Variants in PDC observed in about 807,000 individuals in gnomAD.
PDC encodes phosducin.
Under a neutral mutation model 22.2 loss-of-function variants are expected in PDC, and 19 were observed. The observed-to-expected ratio is 0.86, with a 90% confidence interval of 0.60 to 1.26. The LOEUF (loss-of-function observed/expected upper bound fraction) is 1.26, where lower values mean the gene tolerates loss of function less well. Ranked by LOEUF, PDC falls within the 50% of genes most tolerant of loss-of-function variation. The pLI is 0.00. For missense variants in PDC, 274 were observed against 286.8 expected (o/e 0.96, Z 0.32); for synonymous variants, 97 against 96.2 (o/e 1.01, Z -0.05).
At chr1:186,456,771 G>A (rs1467230214) in intron 1 of PDC, among the ~76,000 whole-genome samples, 1 of 152,184 alleles carries the variant, frequency 6.6e-6, no homozygotes, top group Non-Finnish European at 1.5e-5. Flanking sequence ...GACTGAACAT[G>A]ATTAAACATG....
chr1:186,457,983 C>A (rs2102139589), intron 1 of PDC, among the ~76,000 whole-genome samples: 1 of 152,172 alleles, frequency 6.6e-6, no homozygotes, highest in East Asian at 1.9e-4. Context: ...TCTGTTTCTA[C>A]CCTACTCAAA....
At chr1:186,456,588 G>A (rs1662477030) in intron 1 of PDC, among the ~76,000 whole-genome samples, 2 of 152,114 alleles carry the variant, frequency 1.3e-5, no homozygotes, top group South Asian at 2.1e-4. Context: ...GAGCATTGAA[G>A]TAGCTCCAGT....
chr1:186,445,588 G>C lies in PDC; in HGVS notation c.213+838C>G, dbSNP rs61810302. Among the ~76,000 whole-genome samples the C allele has an allele frequency of 4.0e-3, 603 of 152,260 alleles. 3 individuals are homozygous for C. Among genetic ancestry groups the C allele is most frequent in the Non-Finnish European group, 5.2e-3 (357 of 68,022 alleles). ...AATCCCAGCACTTTGGCAGGCCAAG[G>C]AAGGTGGATTGTTTGAGCCCAGGAG... is the stretch of plus-strand genomic sequence containing the variant. On this transcript the variant is annotated intron_variant, in intron 3 of 3. Transcript: ENST00000391997.
chr1:186,460,266 G>T (rs1329311458), intron 1 of PDC, among the ~76,000 whole-genome samples: 2 of 152,160 alleles, frequency 1.3e-5, no homozygotes, highest in Non-Finnish European at 1.5e-5. Flanking sequence ...GCAAGTTTTA[G>T]ATTTGCAGTG....
rs139455526 is a variant in PDC at position 186,456,628 on chromosome 1, G to A, written c.-25+4431C>T. Among the ~76,000 whole-genome samples the A allele has an allele frequency of 4.6e-5, 7 of 152,078 alleles. No homozygotes were observed. The East Asian group carries it at 1.4e-3, about 29-fold the overall frequency. On this transcript the variant is annotated intron_variant, in intron 1 of 3. Coordinates refer to ENST00000391997, the MANE Select transcript of PDC (RefSeq NM_002597.5). ...AATTTTCAGAGTAAGATTGTTTTTT[G>A]TTTTGTTAAATTTAAAATAAACAAT...
In PDC at chr1:186,444,171, T is replaced by C. The variant is rs370819130; in HGVS notation, c.549A>G (p.Leu183=). 88 of 1,613,704 alleles carry C rather than the reference T, an allele frequency of 5.5e-5. No homozygotes were observed. Among genetic ancestry groups the C allele is most frequent in the African/African-American group, 2.1e-4 (16 of 74,930 alleles). The change falls in exon 4 of 4, where the codon TTA becomes TTG. Residue 183 remains leucine (L), a synonymous_variant. Coordinates refer to ENST00000391997, the MANE Select transcript of PDC (RefSeq NM_002597.5). ...SNTGAGDRFS[L]DVLPTLLIYK... ...AGATGAGCAGTGTAGGAAGTACATC[T>C]AAGGAAAAGCGGTCCCCAGCACCTG...
At chr1:186,453,318 TA>T (rs1226710256) in intron 1 of PDC, among the ~76,000 whole-genome samples, 1 of 152,130 alleles carries the variant, frequency 6.6e-6, no homozygotes, top group African/African-American at 2.4e-5. Flanking sequence ...AGGAAGTGAG[TA>T]AAATTTTTAC....
chr1:186,459,752 G>GTATATATATATATATATA (rs56927589), intron 1 of PDC, among the ~76,000 whole-genome samples: 2,140 of 111,376 alleles, frequency 0.019, 63 homozygotes, highest in East Asian at 0.034. Flanking sequence ...GTGTGTGTGT[G>GTATATATATATATATATA]TATATATATA....
intron 1 of PDC, among the ~76,000 whole-genome samples, chr1:186,457,947 G>A (rs906740640): frequency 3.3e-5 from 5 of 152,062 alleles, no homozygotes; most frequent in African/African-American, 1.2e-4. Context: ...TTTGATATAA[G>A]ACACTATAGA....
chr1:186,455,813 A>C (rs1427587008), intron 1 of PDC, among the ~76,000 whole-genome samples: 4 of 141,746 alleles, frequency 2.8e-5, no homozygotes, highest in Non-Finnish European at 6.1e-5. Context: ...AAAAAAAAAA[A>C]AAAAAAAAAT....
At chr1:186,455,852 G>T (rs1662453497) in intron 1 of PDC, among the ~76,000 whole-genome samples, 1 of 135,188 alleles carries the variant, frequency 7.4e-6, no homozygotes, top group Non-Finnish European at 1.6e-5. Context: ...GGTGCCTGTA[G>T]TTCCAGCTAC....
At chr1:186,457,242 T>G (rs1442019291) in intron 1 of PDC, among the ~76,000 whole-genome samples, 1 of 152,222 alleles carries the variant, frequency 6.6e-6, no homozygotes, top group Non-Finnish European at 1.5e-5. Flanking sequence ...AGAAAGCAGT[T>G]GTGCCTTTCC....
chr1:186,459,107 A>C (rs948680497), intron 1 of PDC, among the ~76,000 whole-genome samples: 7 of 152,308 alleles, frequency 4.6e-5, no homozygotes, highest in African/African-American at 1.7e-4. Flanking sequence ...GGTTGCAGTG[A>C]GCCGACATCT....
chr1:186,446,537 T>G lies in PDC; in HGVS notation c.102A>C (p.Leu34Phe). ...GAATTGAATCACTGTCTTGACTCTC[T>G]AATTTAAACTTTCTCCAATCATTTA... ...GVINDWRKFK[L>F]ESQDSDSIPP... is the part of the protein sequence containing the mutation. The change falls in exon 3 of 4, where the codon TTA becomes TTC. Residue 34 changes from leucine to phenylalanine, a missense_variant. By Grantham distance (22) the Leu-to-Phe change is conservative (BLOSUM62 0). Coordinates refer to ENST00000391997, the MANE Select transcript of PDC (RefSeq NM_002597.5). 6.3e-7 allele frequency: 1 copy of G among 1,592,014 alleles called. No individual in the cohort carries two copies. Among genetic ancestry groups the G allele is most frequent in the East Asian group, 2.2e-5 (1 of 44,602 alleles).
chr1:186,446,008 T>A (rs1558123359), intron 3 of PDC, among the ~76,000 whole-genome samples: 1 of 152,248 alleles, frequency 6.6e-6, no homozygotes, highest in Non-Finnish European at 1.5e-5. Flanking sequence ...GGCATTCAGA[T>A]ACATTTCCAA....
chr1:186,446,356 A>T, intron 3 of PDC, 70 bp downstream of exon 3: 1 of 1,179,176 alleles, frequency 8.5e-7, no homozygotes, highest in Admixed American at 2.3e-5. Context: ...GTCTAAAGTG[A>T]TTCTCTAGAT....
chr1:186,451,429 A>G (rs1455826549), intron 1 of PDC, among the ~76,000 whole-genome samples: 2 of 152,234 alleles, frequency 1.3e-5, no homozygotes, highest in East Asian at 3.8e-4. Flanking sequence ...AAAAGACATG[A>G]AAATTTTTAC....
intron 1 of PDC, 109 bp downstream of exon 1, chr1:186,460,950 T>G (rs777719367): frequency 5.2e-5 from 8 of 154,562 alleles, no homozygotes; most frequent in Admixed American, 2.6e-4. Flanking sequence ...TTATGTACTT[T>G]GAACTATTTT....
At chr1:186,458,502 C>G (rs1662515406) in intron 1 of PDC, among the ~76,000 whole-genome samples, 1 of 150,568 alleles carries the variant, frequency 6.6e-6, no homozygotes, top group Admixed American at 6.6e-5. Flanking sequence ...ACTTTTAAGT[C>G]ATTTCATTAG....
Sources: gnomAD v4.1 joint callset for allele counts (sites outside exome capture counted in the v4.1 genomes callset) on GRCh38, gnomAD v4.1.1 for gene constraint, MANE v1.5 for transcripts, NCBI Gene and HGNC (gene_info 2026-07-23, HGNC 2026-07-21) for gene names.